LY9: variants seen among roughly 807,000 people sequenced by gnomAD.
LY9 encodes T-lymphocyte surface antigen Ly-9.
A neutral mutation model predicts 64.6 loss-of-function variants in LY9; 59 were observed. The ratio of observed to expected loss-of-function variants is 0.91; its 90% CI spans 0.74 to 1.13. LY9 has a LOEUF of 1.13. Ranked by LOEUF, LY9 falls within the 50% of genes most tolerant of loss-of-function variation. The pLI is 0.00. For missense variants in LY9, 789 were observed against 797.2 expected, an observed-to-expected ratio of 0.99 and a Z score of 0.12; for synonymous variants, 281 against 308.5, an observed-to-expected ratio of 0.91 and a Z score of 0.93.
intron 7 of LY9, among the ~76,000 whole-genome samples, chr1:160,822,049 G>T (rs564403583): frequency 6.6e-6 from 1 of 152,176 alleles, no homozygotes; most frequent in African/African-American, 2.4e-5. Context: ...CTCGCACACG[G>T]TAGGCACTTA....
chr1:160,821,420 C>T (rs1190885554), intron 7 of LY9, among the ~76,000 whole-genome samples: 1 of 152,188 alleles, frequency 6.6e-6, no homozygotes, highest in Non-Finnish European at 1.5e-5. Flanking sequence ...CAGTACATCC[C>T]AGCAATATTA....
intron 6 of LY9, 126 bp downstream of exon 6, chr1:160,818,445 C>A: frequency 3.0e-6 from 2 of 658,316 alleles, no homozygotes; most frequent in South Asian, 1.9e-5. Flanking sequence ...CTTCTCAGAG[C>A]AATGGGGGAG....
intron 1 of LY9, among the ~76,000 whole-genome samples, chr1:160,797,885 ACACACG>A (rs1239577344): frequency 1.4e-5 from 2 of 145,446 alleles, no homozygotes; most frequent in African/African-American, 2.5e-5. Flanking sequence ...ACACACACAC[ACACACG>A]TATAGTGGCA....
At chr1:160,819,514 G>A (rs1233220424) in intron 7 of LY9, 140 bp downstream of exon 7, 11 of 720,788 alleles carry the variant, frequency 1.5e-5, no homozygotes, top group African/African-American at 3.5e-5. Context: ...ATCTGACCAG[G>A]TGCCGTGGCT....
At chr1:160,801,915 T>C in intron 2 of LY9, 7 of 1,612,678 alleles carry the variant, frequency 4.3e-6, no homozygotes, top group Non-Finnish European at 5.9e-6. Context: ...GCGGGAGGGC[T>C]AGGCCCTCGC....
Position 160,824,356 on chromosome 1 carries a change from T to G in LY9, c.1899+107T>G, listed in dbSNP as rs1198960252. On this transcript the variant is annotated intron_variant, in intron 9 of 9. Coordinates refer to ENST00000263285, the MANE Select transcript of LY9 (RefSeq NM_002348.4). ...GATTCCCATGGCTAAGGATCTTAAA[T>G]TCTACCCACTATGCACCCCTCAGAT... The G allele has an allele frequency of 3.2e-6, 5 of 1,542,588 alleles. No homozygotes were observed. The East Asian group carries it at 1.1e-4, about 35-fold the overall frequency.
intron 1 of LY9, 38 bp from the exon 2 acceptor site, chr1:160,799,715 T>G: frequency 2.3e-6 from 3 of 1,321,598 alleles, no homozygotes. Flanking sequence ...GCTCAAGGAG[T>G]CTAGCTGCTC....
Position 160,799,821 on chromosome 1 carries a change from C to G in LY9, c.193C>G (p.Leu65Val), listed in dbSNP as rs778492231. 2.5e-5 allele frequency: 41 copies of G among 1,613,904 alleles called. No individual in the cohort carries two copies. Among genetic ancestry groups the G allele is most frequent in the Non-Finnish European group, 3.4e-5 (40 of 1,179,882 alleles). Residue 65 changes from leucine to valine, a missense_variant, in exon 2 of 10, where the codon CTC becomes GTC. Physicochemically the swap from Leu to Val is conservative, Grantham distance 32. Transcript: ENST00000263285. ...AGGGATCCTAGGGGGTTCCGTGACT[C>G]TCCCCCTAAACATCTCAGTAGACAC... is the stretch of plus-strand genomic sequence containing the variant. ...VSGILGGSVT[L>V]PLNISVDTEI...
chr1:160,816,476 G>A (rs1667953373), intron 4 of LY9, 118 bp from the exon 5 acceptor site: 2 of 1,185,446 alleles, frequency 1.7e-6, no homozygotes, highest in East Asian at 2.6e-5. Flanking sequence ...GGCTCCTGGA[G>A]GCACTTTGCC....
chr1:160,809,585 C>T (rs923100564), intron 2 of LY9, among the ~76,000 whole-genome samples: 9 of 151,510 alleles, frequency 5.9e-5, no homozygotes, highest in African/African-American at 1.2e-4. Flanking sequence ...TGATTCCAAA[C>T]TCCTGGCCTC....
chr1:160,806,243 T>C (rs1384752103), intron 2 of LY9, among the ~76,000 whole-genome samples: 3 of 152,218 alleles, frequency 2.0e-5, no homozygotes, highest in Admixed American at 6.5e-5. Context: ...ATATATTCTT[T>C]GTTTCTTTCT....
At chr1:160,798,471 C>T (rs1318667309) in intron 1 of LY9, among the ~76,000 whole-genome samples, 4 of 152,170 alleles carry the variant, frequency 2.6e-5, no homozygotes, top group East Asian at 1.9e-4. Context: ...ACATAGCAAT[C>T]GTAAGCAGTC....
intron 7 of LY9, among the ~76,000 whole-genome samples, chr1:160,821,726 C>A (rs1225533194): frequency 6.6e-6 from 1 of 152,186 alleles, no homozygotes; most frequent in African/African-American, 2.4e-5. Context: ...CCCTAGCTCT[C>A]CTCCTTATGA....
chr1:160,809,361 T>TTATTATTATTATTATTAC (rs371870875), intron 2 of LY9, among the ~76,000 whole-genome samples: 1 of 147,232 alleles, frequency 6.8e-6, no homozygotes, highest in Non-Finnish European at 1.5e-5. Context: ...ATTATTATTA[T>TTATTATTATTATTATTAC]TACTACTACT....
In LY9 at chr1:160,814,704, G is replaced by C. The variant is rs199963398; in HGVS notation, c.1015G>C (p.Val339Leu). Residue 339 changes from valine (V) to leucine (L), a missense_variant, in exon 4 of 10, where the codon GTG becomes CTG. Physicochemically the swap from Val to Leu is conservative, Grantham distance 32. Transcript: ENST00000263285. ...IEDAGPYHAY[V>L]CSEASSVTSM... ...GGACGCCGGCCCCTACCATGCCTAC[G>C]TGTGCTCAGAGGCCTCCAGCGTCAC... 1 of 1,614,144 alleles carries C rather than the reference G, an allele frequency of 6.2e-7. No individual in the cohort carries two copies. The highest frequency in any genetic ancestry group is 1.3e-5 in the African/African-American group (1 of 75,028).
At chr1:160,817,001 TGA>T in intron 5 of LY9, 138 bp downstream of exon 5, 1 of 738,316 alleles carries the variant, frequency 1.4e-6, no homozygotes, top group Non-Finnish European at 2.2e-6. Flanking sequence ...CACAGATATA[TGA>T]GAGTCACGCA....
At chr1:160,813,606 G>T in intron 2 of LY9, 30 bp from the exon 3 acceptor site, 1 of 1,599,146 alleles carries the variant, frequency 6.3e-7, no homozygotes. Context: ...AAAAGGATCT[G>T]AGCATCTTCC....
At position 160,813,890 on chromosome 1, in the gene LY9, C is replaced by T. The variant is rs936287954; in HGVS notation, c.709C>T (p.His237Tyr). Residue 237 changes from histidine (H) to tyrosine (Y), a missense_variant, in exon 3 of 10, where the codon CAT (histidine) becomes TAT (tyrosine). Coordinates refer to ENST00000263285, the MANE Select transcript of LY9 (RefSeq NM_002348.4). The part of the protein sequence containing the change: ...PVSQRSSLPV[H>Y]VGQFCTDPGA... The stretch of plus-strand genomic sequence containing the variant: ...CAGCCAGAGAAGCTCCCTCCCTGTC[C>T]ATGTTGGGCAGTTCTGTACAGGTAA... 2 of 1,613,976 alleles carry T rather than the reference C, an allele frequency of 1.2e-6. No homozygotes were observed. Among genetic ancestry groups the T allele is most frequent in the African/African-American group, 2.7e-5 (2 of 74,936 alleles).
At chr1:160,822,881 A>C (rs1257616206) in intron 7 of LY9, among the ~76,000 whole-genome samples, 1 of 152,202 alleles carries the variant, frequency 6.6e-6, no homozygotes, top group South Asian at 2.1e-4. Flanking sequence ...AGACTGCTCC[A>C]GGCTTTACAC....
Sources: gnomAD v4.1 joint callset for allele counts (sites outside exome capture counted in the v4.1 genomes callset) on GRCh38, gnomAD v4.1.1 for gene constraint, MANE v1.5 for transcripts, NCBI Gene and HGNC (gene_info 2026-07-23, HGNC 2026-07-21) for gene names.